DENND2A: variants seen among roughly 807,000 people sequenced by gnomAD.
DENND2A encodes DENN domain-containing protein 2A.
DENND2A carries 53 observed loss-of-function variants against 105.3 expected under a neutral mutation model. The observed-to-expected ratio is 0.50, with a 90% CI of 0.40 to 0.63. DENND2A has a LOEUF of 0.63. Among genes scored for constraint, DENND2A ranks in the 30% least tolerant of loss-of-function variants. The pLI is 0.00. For synonymous variants in DENND2A, 522 were observed against 508.4 expected (o/e 1.03, Z -0.36); for missense variants, 1,138 against 1,279.6 (o/e 0.89, Z 1.69).
chr7:140,613,999 T>C (rs188683498), intron 1 of DENND2A, among the ~76,000 whole-genome samples: 1 of 152,182 alleles, frequency 6.6e-6, no homozygotes, highest in Non-Finnish European at 1.5e-5. Context: ...CCTTCTCCCC[T>C]TTTTTCTTTT....
At chr7:140,582,568 G>A (rs1301096123) in intron 5 of DENND2A, among the ~76,000 whole-genome samples, 2 of 152,336 alleles carry the variant, frequency 1.3e-5, no homozygotes, top group East Asian at 3.9e-4. Flanking sequence ...GTTAACTGGT[G>A]CAGGCAAGTA....
chr7:140,524,221 G>A (rs959387071), intron 16 of DENND2A, among the ~76,000 whole-genome samples: 1 of 152,154 alleles, frequency 6.6e-6, no homozygotes, highest in East Asian at 1.9e-4. Flanking sequence ...GAACTTTTCA[G>A]CAATGTGGCA....
At chr7:140,524,820 G>A (rs1795994948) in intron 16 of DENND2A, among the ~76,000 whole-genome samples, 3 of 151,394 alleles carry the variant, frequency 2.0e-5, no homozygotes, top group Admixed American at 2.0e-4. Context: ...GGGCTCAAGT[G>A]ATCCTCCTGC....
intron 6 of DENND2A, among the ~76,000 whole-genome samples, chr7:140,572,947 A>G (rs1798155904): frequency 6.6e-6 from 1 of 152,080 alleles, no homozygotes; most frequent in Non-Finnish European, 1.5e-5. Flanking sequence ...GGCCCTCCTT[A>G]TAACAGGAGG....
intron 1 of DENND2A, among the ~76,000 whole-genome samples, chr7:140,615,188 T>C (rs1252827927): frequency 6.6e-6 from 1 of 152,182 alleles, no homozygotes; most frequent in Admixed American, 6.5e-5. Context: ...TTTAAAAAAA[T>C]TAAAATGGGT....
Position 140,578,859 on chromosome 7 carries a change from G to A in DENND2A, c.1246-4851C>T, listed in dbSNP as rs10255623. ...ACTGCACTCTAGCCTGGGCGACAGC[G>A]TGAGACTTCGTCTCATAAAATAAAA... On this transcript the variant is annotated intron_variant, in intron 5 of 19. Transcript: ENST00000496613. 8.3e-3 allele frequency among the ~76,000 whole-genome samples: 1,266 copies of A among 152,322 alleles called. 18 individuals are homozygous for A. Among genetic ancestry groups the A allele is most frequent in the African/African-American group, 0.029 (1,201 of 41,564 alleles).
At chr7:140,586,316 T>C (rs778594112) in intron 4 of DENND2A, among the ~76,000 whole-genome samples, 79 of 151,494 alleles carry the variant, frequency 5.2e-4, no homozygotes, top group Non-Finnish European at 2.1e-4. Context: ...CCCAGGAGTT[T>C]GAGACTAGCC....
chr7:140,555,081 T>A (rs1323559553), intron 12 of DENND2A, among the ~76,000 whole-genome samples: 2 of 151,666 alleles, frequency 1.3e-5, no homozygotes, highest in Non-Finnish European at 2.9e-5. Flanking sequence ...CAACTTCAAT[T>A]ATCTTGCCAT....
chr7:140,573,720 T>TG lies in DENND2A; in HGVS notation c.1446+87dup. On this transcript the variant is annotated intron_variant, in intron 6 of 19. Coordinates refer to ENST00000496613, the MANE Select transcript of DENND2A (RefSeq NM_015689.5). The stretch of plus-strand genomic sequence containing the variant: ...ACACAGGTGGGAGAGGGGCCAGTGA[T>TG]GTATTCTCCACCCAGACCCCTCTGC... 2.1e-6 allele frequency: 3 copies of TG among 1,399,992 alleles called. No individual in the cohort carries two copies. In the East Asian group the frequency reaches 6.9e-5, roughly 32 times the overall value. 86.7% of individuals were successfully genotyped at this position (1,399,992 alleles called of 1,614,324 possible). A position where few individuals can be genotyped will look rare whatever the true frequency, so the allele number is the denominator to read the frequency against.
chr7:140,556,825 T>A (rs1368957392), intron 11 of DENND2A, among the ~76,000 whole-genome samples: 1 of 152,218 alleles, frequency 6.6e-6, no homozygotes, highest in Non-Finnish European at 1.5e-5. Context: ...TCAAGTATAT[T>A]CTCAGTGGAA....
intron 9 of DENND2A, among the ~76,000 whole-genome samples, chr7:140,565,787 C>T (rs1262029875): frequency 6.6e-6 from 1 of 152,088 alleles, no homozygotes; most frequent in East Asian, 1.9e-4. Context: ...ACAAAATACA[C>T]GTCATAAAGA....
intron 3 of DENND2A, among the ~76,000 whole-genome samples, chr7:140,589,023 G>A (rs539895941): frequency 8.5e-5 from 13 of 152,178 alleles, no homozygotes; most frequent in Admixed American, 1.3e-4. Flanking sequence ...CATTACAGGC[G>A]TGAGCCACTG....
chr7:140,524,885 C>CTTT (rs773550888), intron 16 of DENND2A, among the ~76,000 whole-genome samples: 3 of 133,024 alleles, frequency 2.3e-5, no homozygotes, highest in African/African-American at 2.8e-5. Context: ...GGCAAATATT[C>CTTT]TTTTTTTTTT....
chr7:140,527,244 T>C lies in DENND2A; in HGVS notation c.2505+74A>G. The C allele has an allele frequency of 7.0e-7, 1 of 1,430,624 alleles. No homozygotes were observed. Among genetic ancestry groups the C allele is most frequent in the Non-Finnish European group, 9.3e-7 (1 of 1,075,166 alleles). The allele number at this position is 1,430,624 out of a possible 1,614,324, so 88.6% of individuals were successfully genotyped here. ...GCTGGCTCTGAGAACCGCTCCATGA[T>C]GCCTGCAGAGCCAGCGCCCCGCTCT... On this transcript the variant is annotated intron_variant, in intron 15 of 19. Coordinates refer to ENST00000496613, the MANE Select transcript of DENND2A (RefSeq NM_015689.5). The surrounding 1 kb of genome is among the most constrained non-coding windows in gnomAD (Gnocchi z 4.9).
At chr7:140,567,637 G>A (rs1026493081) in intron 8 of DENND2A, among the ~76,000 whole-genome samples, 6 of 152,162 alleles carry the variant, frequency 3.9e-5, no homozygotes, top group Non-Finnish European at 7.3e-5. Context: ...TCATCTGTCT[G>A]ATGAGATGGG....
chr7:140,600,845 C>T (rs1478471603), intron 3 of DENND2A, among the ~76,000 whole-genome samples: 3 of 152,124 alleles, frequency 2.0e-5, no homozygotes, highest in East Asian at 3.8e-4. Flanking sequence ...AAATTGTTTT[C>T]GAAGCACAGA....
chr7:140,541,890 G>C (rs73487649), intron 14 of DENND2A, among the ~76,000 whole-genome samples: 4,995 of 152,336 alleles, frequency 0.033, 251 homozygotes, highest in African/African-American at 0.11. Flanking sequence ...ACCAGATGCG[G>C]CGCATGAGGG....
intron 1 of DENND2A, among the ~76,000 whole-genome samples, chr7:140,637,132 A>G (rs1319649603): frequency 3.8e-4 from 52 of 138,422 alleles, no homozygotes; most frequent in Admixed American, 8.1e-4. Context: ...TTACAGGCGT[A>G]GGCCACTGTG....
intron 2 of DENND2A, among the ~76,000 whole-genome samples, chr7:140,604,335 C>A (rs528093275): frequency 6.6e-6 from 1 of 152,320 alleles, no homozygotes; most frequent in Non-Finnish European, 1.5e-5. Context: ...TAGAAACTTG[C>A]GAAAACGCAA....
Sources: gnomAD v4.1 joint callset for allele counts (sites outside exome capture counted in the v4.1 genomes callset) on GRCh38, gnomAD v4.1.1 for gene constraint, Gnocchi (gnomAD v3.1) non-coding constraint, MANE v1.5 for transcripts, NCBI Gene and HGNC (gene_info 2026-07-23, HGNC 2026-07-21) for gene names.